Variants in INPP4B observed in about 807,000 individuals in gnomAD.
The protein encoded by INPP4B is inositol polyphosphate-4-phosphatase type II B, also known as inositol polyphosphate 4-phosphatase type II.
INPP4B carries 55 observed loss-of-function variants against 122.5 expected under a neutral mutation model. The ratio of observed to expected loss-of-function variants is 0.45; its 90% CI spans 0.36 to 0.56. The LOEUF (loss-of-function observed/expected upper bound fraction) is 0.56. INPP4B is among the 20% of genes least tolerant of loss of function. The pLI is 0.00. For missense variants in INPP4B, 1,000 were observed against 1,097.7 expected (o/e 0.91, Z 1.26); for synonymous variants, 403 against 388.7 (o/e 1.04, Z -0.43).
rs200411217 is a variant in INPP4B at position 142,326,809 on chromosome 4, C to CT, written c.373-12048dup. 4.2e-3 allele frequency among the ~76,000 whole-genome samples: 646 copies of CT among 152,186 alleles called. 8 individuals carry two copies. The highest frequency in any genetic ancestry group is 0.014 in the African/African-American group (598 of 41,514). On this transcript the variant is annotated intron_variant, in intron 7 of 25. Transcript: ENST00000262992. ...TTGGGTTAATCATTTCAGGGCATGT[C>CT]TTTTTTTACTTGTATTATTTCATTG...
At chr4:142,305,613 A>G (rs1287940974) in intron 8 of INPP4B, 76 bp from the exon 9 acceptor site, 1 of 1,534,622 alleles carries the variant, frequency 6.5e-7, no homozygotes, top group South Asian at 1.2e-5. Context: ...ATCAAACAAA[A>G]TGAGTCTTTA....
chr4:142,394,082 T>C (rs1798568788), intron 7 of INPP4B, among the ~76,000 whole-genome samples: 1 of 152,252 alleles, frequency 6.6e-6, no homozygotes, highest in Non-Finnish European at 1.5e-5. Context: ...GTAATGATTG[T>C]ACCAATTTAC....
chr4:142,268,278 G>A (rs376771108), intron 10 of INPP4B, among the ~76,000 whole-genome samples: 2 of 124,406 alleles, frequency 1.6e-5, no homozygotes, highest in Non-Finnish European at 3.2e-5. Flanking sequence ...AGCCAAGATC[G>A]CGCCACTGCA....
chr4:142,263,847 C>T (rs1238983261), intron 10 of INPP4B, among the ~76,000 whole-genome samples: 1 of 151,150 alleles, frequency 6.6e-6, no homozygotes, highest in Non-Finnish European at 1.5e-5. Flanking sequence ...ACAAAATTAC[C>T]TAGGGAAAAC....
At chr4:142,547,839 C>A (rs1435569496) in intron 2 of INPP4B, among the ~76,000 whole-genome samples, 1 of 152,098 alleles carries the variant, frequency 6.6e-6, no homozygotes, top group Non-Finnish European at 1.5e-5. Context: ...ATGTATTATA[C>A]CTTGGTCTCT....
intron 8 of INPP4B, among the ~76,000 whole-genome samples, chr4:142,310,070 T>G (rs926799902): frequency 1.3e-5 from 2 of 151,980 alleles, no homozygotes; most frequent in Non-Finnish European, 2.9e-5. Flanking sequence ...TGGCCACAGC[T>G]GGCCAAACCT....
intron 2 of INPP4B, among the ~76,000 whole-genome samples, chr4:142,623,480 C>A (rs141913435): frequency 1.9e-3 from 289 of 152,008 alleles, no homozygotes; most frequent in African/African-American, 6.8e-3. Flanking sequence ...TCTCCTAAAA[C>A]AGGGATCCAT....
chr4:142,348,394 G>T (rs1198860065), intron 7 of INPP4B, among the ~76,000 whole-genome samples: 1 of 151,948 alleles, frequency 6.6e-6, no homozygotes, highest in Non-Finnish European at 1.5e-5. Context: ...TTTTTTTCCA[G>T]AATATTTTAC....
chr4:142,628,731 T>A (rs1430661907), intron 2 of INPP4B, among the ~76,000 whole-genome samples: 2 of 152,046 alleles, frequency 1.3e-5, no homozygotes, highest in Non-Finnish European at 2.9e-5. Flanking sequence ...GAATTCCTAA[T>A]GTTTAGTTTC....
intron 1 of INPP4B, among the ~76,000 whole-genome samples, chr4:142,811,541 C>T (rs534849384): frequency 6.6e-6 from 1 of 152,162 alleles, no homozygotes; most frequent in East Asian, 1.9e-4. Context: ...TTGACAGCTT[C>T]CCAGAAATAG....
At chr4:142,302,191 A>G (rs3775689) in intron 9 of INPP4B, among the ~76,000 whole-genome samples, 32,419 of 151,764 alleles carry the variant, frequency 0.21, 4,519 homozygotes, top group African/African-American at 0.4. Context: ...AGGCCCTTTC[A>G]CACTTTTCCA....
At chr4:142,496,594 C>T (rs1399752357) in intron 2 of INPP4B, among the ~76,000 whole-genome samples, 2 of 152,104 alleles carry the variant, frequency 1.3e-5, no homozygotes, top group Non-Finnish European at 2.9e-5. Context: ...TCTCAGACCT[C>T]TTTCCTTTCT....
At chr4:142,066,631 G>A (rs1763637821) in intron 25 of INPP4B, among the ~76,000 whole-genome samples, 1 of 152,204 alleles carries the variant, frequency 6.6e-6, no homozygotes, top group South Asian at 2.1e-4. Flanking sequence ...CCCTAATAAT[G>A]TGCTTTTCCA....
intron 23 of INPP4B, among the ~76,000 whole-genome samples, chr4:142,105,218 T>G (rs1335063316): frequency 1.3e-5 from 2 of 152,178 alleles, no homozygotes; most frequent in African/African-American, 2.4e-5. Context: ...ATATTTGAAC[T>G]TGGCTGAATA....
At chr4:142,398,430 ATATATATATATATAT>A (rs1368587622) in intron 7 of INPP4B, among the ~76,000 whole-genome samples, 10 of 113,454 alleles carry the variant, frequency 8.8e-5, no homozygotes, top group African/African-American at 2.0e-4. Flanking sequence ...ATATATATAT[ATATATATATATATAT>A]AAAACATATT....
intron 16 of INPP4B, among the ~76,000 whole-genome samples, chr4:142,169,628 G>A (rs1386184607): frequency 6.6e-6 from 1 of 151,546 alleles, no homozygotes; most frequent in Admixed American, 6.6e-5. Context: ...ATAGTATATT[G>A]AGGTTGAAAG....
chr4:142,697,019 T>A (rs1761125573), intron 2 of INPP4B, among the ~76,000 whole-genome samples: 1 of 152,168 alleles, frequency 6.6e-6, no homozygotes, highest in South Asian at 2.1e-4. Flanking sequence ...CTGCTTTTAG[T>A]TTAAAAGGAT....
At chr4:142,796,776 C>T (rs1342900232) in intron 1 of INPP4B, among the ~76,000 whole-genome samples, 1 of 151,584 alleles carries the variant, frequency 6.6e-6, no homozygotes, top group Non-Finnish European at 1.5e-5. Flanking sequence ...GTTCATTCAC[C>T]CTAGAACATC....
chr4:142,835,074 A>G (rs1333622456), intron 1 of INPP4B, among the ~76,000 whole-genome samples: 1 of 152,254 alleles, frequency 6.6e-6, no homozygotes, highest in Non-Finnish European at 1.5e-5. Context: ...CTGAAGTTTT[A>G]GGCAGAAAGG....
Sources: gnomAD v4.1 joint callset for allele counts (sites outside exome capture counted in the v4.1 genomes callset) on GRCh38, gnomAD v4.1.1 for gene constraint, MANE v1.5 for transcripts, NCBI Gene and HGNC (gene_info 2026-07-23, HGNC 2026-07-21) for gene names.